CBL: variants seen among roughly 807,000 people sequenced by gnomAD.
CBL encodes the protein E3 ubiquitin-protein ligase CBL.
A neutral mutation model predicts 96.9 loss-of-function variants in CBL; 45 were observed. The ratio of observed to expected loss-of-function variants is 0.46; its 90% confidence interval spans 0.37 to 0.60. The LOEUF (loss-of-function observed/expected upper bound fraction) is 0.60, where lower values mean the gene tolerates loss of function less well. Ranked by LOEUF, CBL falls within the 20% of genes least tolerant of loss-of-function variation. The pLI is 0.00. For synonymous variants in CBL, 420 were observed against 426.8 expected (o/e 0.98, Z 0.20); for missense variants, 1,024 against 1,143.5 (o/e 0.90, Z 1.51).
chr11:119,294,059 T>C (rs570739010), intron 12 of CBL, among the ~76,000 whole-genome samples: 4 of 152,366 alleles, frequency 2.6e-5, no homozygotes, highest in East Asian at 3.9e-4. Context: ...TTTTAAAGCA[T>C]ATATTGCCAA....
chr11:119,299,224 C>T (rs1418508126), intron 15 of CBL, among the ~76,000 whole-genome samples: 1 of 152,086 alleles, frequency 6.6e-6, no homozygotes, highest in Non-Finnish European at 1.5e-5. Context: ...AAACATGTTG[C>T]TTAGTGTAAA....
Position 119,206,342 on chromosome 11 carries a change from C to T in CBL, c.-76C>T, listed in dbSNP as rs1306922196. On this transcript the variant is annotated 5_prime_UTR_variant, in exon 1 of 16. Coordinates refer to ENST00000264033, the MANE Select transcript of CBL (RefSeq NM_005188.4). Reference sequence around the variant, plus strand: ...CGGCGGCCGGGAGAGGCCCCTCCTTCACGCCCTGCTTCTCTCCCTCGCTCG... The same window carrying T: ...CGGCGGCCGGGAGAGGCCCCTCCTTTACGCCCTGCTTCTCTCCCTCGCTCG... 8.2e-7 allele frequency: 1 copy of T among 1,217,394 alleles called. No individual in the cohort carries two copies. The highest frequency in any genetic ancestry group is 1.1e-6 in the Non-Finnish European group (1 of 924,042). 75.4% of individuals were successfully genotyped at this position (1,217,394 alleles called of 1,614,324 possible).
chr11:119,221,078 T>C (rs746592635), intron 1 of CBL, among the ~76,000 whole-genome samples: 13 of 151,996 alleles, frequency 8.6e-5, no homozygotes, highest in South Asian at 2.1e-4. Flanking sequence ...ACCCCGTCTC[T>C]ACTAAAAATA....
At chr11:119,232,301 A>C in intron 1 of CBL, 147 bp from the exon 2 acceptor site, 2 of 832,242 alleles carry the variant, frequency 2.4e-6, no homozygotes. Context: ...GCCTGTGGGC[A>C]ATGGGGTTAT....
chr11:119,238,236 T>A (rs1949559740), intron 2 of CBL, among the ~76,000 whole-genome samples: 1 of 150,060 alleles, frequency 6.7e-6, no homozygotes. Flanking sequence ...TTTTTTTTTT[T>A]AATAGATAGA....
intron 2 of CBL, among the ~76,000 whole-genome samples, chr11:119,247,446 A>AC (rs540531487): frequency 6.6e-6 from 1 of 152,258 alleles, no homozygotes; most frequent in Non-Finnish European, 1.5e-5. Context: ...AGAAAATTCT[A>AC]AAGAATCCAT....
chr11:119,256,682 G>GTT (rs1479748869), intron 2 of CBL, among the ~76,000 whole-genome samples: 5 of 141,806 alleles, frequency 3.5e-5, no homozygotes, highest in Admixed American at 7.0e-5. Context: ...CCAGTATGTA[G>GTT]TTTGTTTTTT....
chr11:119,284,872 G>A, intron 9 of CBL, 97 bp from the exon 10 acceptor site: 1 of 1,451,412 alleles, frequency 6.9e-7, no homozygotes, highest in Non-Finnish European at 9.7e-7. Context: ...TGTAGTTTAA[G>A]TGTTCCCATG....
chr11:119,266,018 C>CA lies in CBL; in HGVS notation c.444-5700dup, dbSNP rs398017759. 6.9e-3 allele frequency among the ~76,000 whole-genome samples: 521 copies of CA among 75,934 alleles called. 16 individuals are homozygous for CA. The highest frequency in any genetic ancestry group is 0.022 in the African/African-American group (406 of 18,628). The allele number at this position is 75,934 out of a possible 152,430, so 49.8% of individuals were successfully genotyped here. ...TGGGCGACAGAGCGAGACTCCATCT[C>CA]AAAAAAAAAAAAAAAAAGAAAGAAA... On this transcript the variant is annotated intron_variant, in intron 2 of 15. Coordinates refer to ENST00000264033, the MANE Select transcript of CBL (RefSeq NM_005188.4).
At chr11:119,209,852 C>T (rs1949302863) in intron 1 of CBL, among the ~76,000 whole-genome samples, 1 of 152,094 alleles carries the variant, frequency 6.6e-6, no homozygotes, top group African/African-American at 2.4e-5. Flanking sequence ...AACATAGGCC[C>T]GATTTACTAA....
At chr11:119,253,112 G>A (rs1949683248) in intron 2 of CBL, among the ~76,000 whole-genome samples, 2 of 151,952 alleles carry the variant, frequency 1.3e-5, no homozygotes, top group African/African-American at 4.8e-5. Flanking sequence ...GAAACAAGTT[G>A]CTTTTAAAAA....
chr11:119,228,251 G>A (rs1156982720), intron 1 of CBL, among the ~76,000 whole-genome samples: 1 of 152,114 alleles, frequency 6.6e-6, no homozygotes, highest in East Asian at 1.9e-4. Context: ...GGGACCACAG[G>A]TGCCCACCAC....
chr11:119,249,760 C>T lies in CBL; in HGVS notation c.443+17065C>T, dbSNP rs538182334. On this transcript the variant is annotated intron_variant, in intron 2 of 15. Transcript: ENST00000264033. ...GTCTCAGCCTCCTGGGCTCAAGTAT[C>T]GATCCTCCCACCTAAGCTTCCCAAG... 2.6e-5 allele frequency among the ~76,000 whole-genome samples: 4 copies of T among 151,210 alleles called. No homozygotes were observed. The East Asian group carries it at 7.8e-4, about 29-fold the overall frequency.
chr11:119,240,026 T>A lies in CBL; in HGVS notation c.443+7331T>A, dbSNP rs192479254. The stretch of plus-strand genomic sequence containing the variant: ...CACTAAAGAGGCTGGGCATGGTGGC[T>A]CACGCCTGTAATGCCAGCACTTTGG... On this transcript the variant is annotated intron_variant, in intron 2 of 15. Transcript: ENST00000264033. Among the ~76,000 whole-genome samples, 113 of 152,262 alleles carry A rather than the reference T, an allele frequency of 7.4e-4. 1 individual carries two copies. The highest frequency in any genetic ancestry group is 2.6e-3 in the African/African-American group (110 of 41,544).
At chr11:119,276,270 T>C (rs1949888853) in intron 6 of CBL, 136 bp downstream of exon 6, 1 of 932,674 alleles carries the variant, frequency 1.1e-6, no homozygotes, top group African/African-American at 1.6e-5. Flanking sequence ...GATATTGATT[T>C]GACCTTCAGG....
At chr11:119,283,720 C>T (rs1478720178) in intron 9 of CBL, among the ~76,000 whole-genome samples, 1 of 139,864 alleles carries the variant, frequency 7.1e-6, no homozygotes, top group Non-Finnish European at 1.5e-5. Context: ...TCACTGCAAG[C>T]TCCGCCTCCC....
intron 2 of CBL, among the ~76,000 whole-genome samples, chr11:119,253,508 A>G (rs1017322401): frequency 6.7e-6 from 1 of 148,806 alleles, no homozygotes; most frequent in Non-Finnish European, 1.5e-5. Flanking sequence ...AGTGTTAATA[A>G]AAGTCACCCA....
At chr11:119,219,934 C>T (rs1949394863) in intron 1 of CBL, among the ~76,000 whole-genome samples, 1 of 151,754 alleles carries the variant, frequency 6.6e-6, no homozygotes, top group Non-Finnish European at 1.5e-5. Flanking sequence ...ACTGCAACCT[C>T]CGCCTCCCGG....
At position 119,264,388 on chromosome 11, in the gene CBL, TTTCTCTTCTCTTCTCTTCTC is replaced by T. The variant is rs367863373; in HGVS notation, c.444-7312_444-7293del. Among the ~76,000 whole-genome samples, 629 of 133,838 alleles carry T rather than the reference TTTCTCTTCTCTTCTCTTCTC, an allele frequency of 4.7e-3. 2 individuals carry two copies. The highest frequency in any genetic ancestry group is 9.8e-3 in the South Asian group (42 of 4,276). 87.8% of individuals were successfully genotyped at this position (133,838 alleles called of 152,430 possible). ...TCTTTTATTATGATCTTTCTTTTCT[TTTCTCTTCTCTTCTCTTCTC>T]TTCTCTTCTCTTCTCTTCTCTTCTC... is the stretch of plus-strand genomic sequence containing the variant. On this transcript the variant is annotated intron_variant, in intron 2 of 15. Coordinates refer to ENST00000264033, the MANE Select transcript of CBL (RefSeq NM_005188.4).
Sources: gnomAD v4.1 joint callset for allele counts (sites outside exome capture counted in the v4.1 genomes callset) on GRCh38, gnomAD v4.1.1 for gene constraint, MANE v1.5 for transcripts, NCBI Gene and HGNC (gene_info 2026-07-23, HGNC 2026-07-21) for gene names.